ASXL3: variants seen among roughly 807,000 people sequenced by gnomAD.
The protein encoded by ASXL3 is putative Polycomb group protein ASXL3.
A neutral mutation model predicts 170.6 loss-of-function variants in ASXL3; 34 were observed. The ratio of observed to expected loss-of-function variants is 0.20; its 90% CI spans 0.15 to 0.27. The LOEUF (loss-of-function observed/expected upper bound fraction) is 0.27, where lower values mean the gene tolerates loss of function less well. ASXL3 is among the 10% of genes least tolerant of loss of function. The pLI, the probability that ASXL3 is intolerant of heterozygous loss-of-function variation, is 1.00. For synonymous variants in ASXL3, 1,002 were observed against 989.1 expected, an observed-to-expected ratio of 1.01 and a Z score of -0.24; for missense variants, 2,592 against 2,695.3, an observed-to-expected ratio of 0.96 and a Z score of 0.85.
chr18:33,732,098 T>C (rs1208430705), intron 9 of ASXL3, 34 bp downstream of exon 9: 3 of 1,534,260 alleles, frequency 2.0e-6, no homozygotes, highest in South Asian at 1.1e-5. Flanking sequence ...ATGTGACATA[T>C]TGGAGTACAC....
rs760612279 is a variant in ASXL3, at chr18:33,683,522, A to G, written c.833A>G (p.His278Arg). 1 of 1,613,550 alleles carries G rather than the reference A, an allele frequency of 6.2e-7. No homozygotes were observed. The highest frequency in any genetic ancestry group is 8.5e-7 in the Non-Finnish European group (1 of 1,179,694). Residue 278 changes from histidine (H) to arginine (R), a missense_variant, in exon 8 of 12, where the codon CAT becomes CGT. Physicochemically the swap from His to Arg is conservative, Grantham distance 29. This residue lies in a region of ASXL3 where 73 missense variants were observed against 142.7 expected (regional missense o/e 0.51). Transcript: ENST00000269197. ...NKHTFASLPQ[H>R]FQQYLLLLLP... ...CATACGTTTGCTTCCTTACCTCAGC[A>G]TTTTCAACAATACCTCCTGCTTTTG... is the stretch of plus-strand genomic sequence containing the variant.
intron 7 of ASXL3, among the ~76,000 whole-genome samples, chr18:33,675,981 T>C (rs1390030890): frequency 6.6e-6 from 1 of 151,922 alleles, no homozygotes; most frequent in Non-Finnish European, 1.5e-5. Flanking sequence ...ATCCAGCACT[T>C]TGGGAGGCCA....
At chr18:33,632,220 T>C (rs914117056) in intron 2 of ASXL3, among the ~76,000 whole-genome samples, 3 of 152,112 alleles carry the variant, frequency 2.0e-5, no homozygotes, top group Non-Finnish European at 4.4e-5. Flanking sequence ...AGGGTATATA[T>C]CATATTATAA....
intron 8 of ASXL3, among the ~76,000 whole-genome samples, chr18:33,703,592 C>G (rs947835273): frequency 2.0e-5 from 3 of 152,096 alleles, no homozygotes; most frequent in African/African-American, 7.2e-5. Context: ...TGCGGACCTG[C>G]CTCTGCCTCT....
intron 4 of ASXL3, 46 bp downstream of exon 4, chr18:33,646,399 G>A: frequency 4.4e-6 from 6 of 1,363,256 alleles, no homozygotes; most frequent in Non-Finnish European, 6.1e-6. Context: ...TCTCTTAAAA[G>A]TTATATAGAA....
chr18:33,686,766 A>G (rs2145293672), intron 8 of ASXL3, among the ~76,000 whole-genome samples: 1 of 152,344 alleles, frequency 6.6e-6, no homozygotes, highest in South Asian at 2.1e-4. Flanking sequence ...AGGTACCATC[A>G]AAAACTTGAC....
At chr18:33,592,003 A>G (rs2065082517) in intron 1 of ASXL3, among the ~76,000 whole-genome samples, 1 of 152,040 alleles carries the variant, frequency 6.6e-6, no homozygotes, top group Non-Finnish European at 1.5e-5. Context: ...AAAGTTAAAC[A>G]CATTTTTCCT....
chr18:33,592,791 G>A (rs985246509), intron 1 of ASXL3, among the ~76,000 whole-genome samples: 6 of 152,078 alleles, frequency 3.9e-5, no homozygotes, highest in African/African-American at 1.4e-4. Flanking sequence ...GGAAAACAAG[G>A]TTAAGTTCTT....
intron 9 of ASXL3, among the ~76,000 whole-genome samples, chr18:33,732,268 A>G (rs760725458): frequency 1.1e-4 from 16 of 152,136 alleles, no homozygotes; most frequent in Non-Finnish European, 1.6e-4. Flanking sequence ...AGAAAGCATA[A>G]TTTTATCTTG....
Position 33,698,672 on chromosome 18 carries a change from T to C in ASXL3, c.879+15104T>C, listed in dbSNP as rs146335754. 2.3e-3 allele frequency among the ~76,000 whole-genome samples: 354 copies of C among 152,154 alleles called. 2 individuals carry two copies. The highest frequency in any genetic ancestry group is 8.3e-3 in the African/African-American group (345 of 41,538). On this transcript the variant is annotated intron_variant, in intron 8 of 11. Coordinates refer to ENST00000269197, the MANE Select transcript of ASXL3 (RefSeq NM_030632.3). ...AATGGCTGAATAAAAGAGAATGAGC[T>C]TACAGAGGAGACAGAAAAGTAATCA...
intron 8 of ASXL3, 164 bp downstream of exon 8, chr18:33,683,732 C>A: frequency 1.4e-6 from 1 of 700,928 alleles, no homozygotes. Context: ...AAAACAGAAC[C>A]ATTTTTATTC....
chr18:33,726,953 C>G (rs1451454985), intron 8 of ASXL3, among the ~76,000 whole-genome samples: 2 of 152,180 alleles, frequency 1.3e-5, no homozygotes, highest in Non-Finnish European at 2.9e-5. Flanking sequence ...TTTATATTCT[C>G]TTCGCTTGGC....
At chr18:33,594,716 G>T (rs964141012) in intron 1 of ASXL3, among the ~76,000 whole-genome samples, 23 of 152,026 alleles carry the variant, frequency 1.5e-4, no homozygotes, top group African/African-American at 5.6e-4. Flanking sequence ...AGAAATATTT[G>T]CCCTGAATTC....
chr18:33,725,379 T>C (rs531512111), intron 8 of ASXL3, among the ~76,000 whole-genome samples: 2 of 152,260 alleles, frequency 1.3e-5, no homozygotes, highest in South Asian at 4.1e-4. Flanking sequence ...AAACACATTC[T>C]TCCCTTACAC....
chr18:33,670,957 T>G (rs1366839141), intron 6 of ASXL3, among the ~76,000 whole-genome samples, 167 bp downstream of exon 6: 1 of 152,200 alleles, frequency 6.6e-6, no homozygotes, highest in Non-Finnish European at 1.5e-5. Context: ...ATAGACTATT[T>G]CCAGTTCAGA....
chr18:33,703,121 C>A (rs184347948), intron 8 of ASXL3, among the ~76,000 whole-genome samples: 24 of 152,196 alleles, frequency 1.6e-4, no homozygotes, highest in African/African-American at 5.8e-4. Context: ...AGTTGATTTA[C>A]TTTTTAGCTT....
intron 4 of ASXL3, among the ~76,000 whole-genome samples, chr18:33,654,333 C>T (rs2066048514): frequency 2.0e-5 from 3 of 151,966 alleles, no homozygotes; most frequent in African/African-American, 7.2e-5. Context: ...TTTATATAAT[C>T]TGTGACTGTA....
At position 33,746,113 on chromosome 18, in the gene ASXL3, G is replaced by T. The variant is rs935080965; in HGVS notation, c.6265G>T (p.Gly2089Cys). The change falls in exon 12 of 12, where the codon GGT (glycine) becomes TGT (cysteine). Residue 2089 changes from glycine (G) to cysteine (C), a missense_variant. Gly to Cys is a radical substitution (Grantham distance 159, BLOSUM62 -3). Around this residue, in one of 4 missense-constraint regions of ASXL3, gnomAD observed 2,246 missense variants for 2,219.6 expected, o/e 1.01. Transcript: ENST00000269197. ...IKSEPLSFEEGLSSSCELGMK... is the reference protein window; with the variant it reads ...IKSEPLSFEECLSSSCELGMK... ...ATCGGAACCTCTTTCTTTTGAGGAA[G>T]GTTTAAGCAGCAGCTGTGAACTGGG... is the stretch of plus-strand genomic sequence containing the variant. 1.2e-6 allele frequency: 2 copies of T among 1,613,582 alleles called. No homozygotes were observed. Among genetic ancestry groups the T allele is most frequent in the African/African-American group, 1.3e-5 (1 of 74,834 alleles).
chr18:33,738,236 G>T, intron 10 of ASXL3, among the ~76,000 whole-genome samples: 1 of 151,958 alleles, frequency 6.6e-6, no homozygotes, highest in Non-Finnish European at 1.5e-5. Flanking sequence ...ACTTGGTAAG[G>T]CTCCTATCTC....
Sources: allele counts gnomAD v4.1 joint callset (sites outside exome capture counted in the v4.1 genomes callset), GRCh38; gene constraint gnomAD v4.1.1; regional missense constraint gnomAD v4.1.1; transcripts MANE v1.5; gene names NCBI Gene and HGNC (gene_info 2026-07-23, HGNC 2026-07-21).